Variants in SNX29 observed in about 807,000 individuals in gnomAD.
SNX29 encodes sorting nexin-29.
SNX29 carries 78 observed loss-of-function variants against 102.1 expected under a neutral mutation model. The observed-to-expected ratio is 0.76, with a 90% CI of 0.64 to 0.92. The LOEUF is 0.92. Among genes scored for constraint, SNX29 ranks in the 40% least tolerant of loss-of-function variants. The probability of loss-of-function intolerance (pLI) is 0.00; values close to 1 mark genes in which losing one functional copy is unlikely to be tolerated. For missense variants in SNX29, 1,280 were observed against 1,061.7 expected (o/e 1.21, Z -2.86); for synonymous variants, 580 against 414.5 (o/e 1.40, Z -4.85).
At chr16:12,535,981 G>A (rs1330301822) in intron 20 of SNX29, among the ~76,000 whole-genome samples, 1 of 152,172 alleles carries the variant, frequency 6.6e-6, no homozygotes, top group Non-Finnish European at 1.5e-5. Context: ...GCTGAGAAAA[G>A]GGGTCTTTGA....
chr16:12,504,328 T>TTATC (rs1212294371), intron 19 of SNX29, among the ~76,000 whole-genome samples: 2 of 152,160 alleles, frequency 1.3e-5, no homozygotes, highest in African/African-American at 4.8e-5. Context: ...AATTGTGCAG[T>TTATC]TATCACTAGG....
intron 18 of SNX29, among the ~76,000 whole-genome samples, chr16:12,419,418 C>A (rs1296443231): frequency 6.6e-6 from 1 of 152,152 alleles, no homozygotes; most frequent in Non-Finnish European, 1.5e-5. Context: ...ACACTCATTC[C>A]CCATTGACAC....
chr16:12,442,991 C>T (rs1409982034), intron 18 of SNX29: 2 of 455,446 alleles, frequency 4.4e-6, no homozygotes, highest in Admixed American at 4.7e-5. Flanking sequence ...TGATTTTTTT[C>T]CAGCTATTTA....
chr16:12,143,650 A>T (rs2054947312), intron 13 of SNX29, among the ~76,000 whole-genome samples: 1 of 152,196 alleles, frequency 6.6e-6, no homozygotes, highest in Non-Finnish European at 1.5e-5. Flanking sequence ...CTGCGTAAGT[A>T]CTGAGTAACA....
intron 11 of SNX29, among the ~76,000 whole-genome samples, chr16:12,115,202 C>A (rs2053647015): frequency 6.6e-6 from 1 of 152,112 alleles, no homozygotes; most frequent in Admixed American, 6.5e-5. Context: ...GCCCCCCTCG[C>A]TGCTTTCACT....
intron 15 of SNX29, among the ~76,000 whole-genome samples, chr16:12,288,928 CCTCTGTGGCCTT>C (rs1331274354): frequency 2.6e-5 from 4 of 152,136 alleles, no homozygotes; most frequent in Admixed American, 6.5e-5. Flanking sequence ...TTCCCATCGC[CCTCTGTGGCCTT>C]CTCTGTATCT....
At chr16:12,350,419 T>A (rs890632746) in intron 15 of SNX29, among the ~76,000 whole-genome samples, 1 of 152,200 alleles carries the variant, frequency 6.6e-6, no homozygotes, top group African/African-American at 2.4e-5. Context: ...CTATTGCAGA[T>A]ACTAAAACAT....
At chr16:12,339,882 G>A (rs959597681) in intron 15 of SNX29, among the ~76,000 whole-genome samples, 1 of 152,206 alleles carries the variant, frequency 6.6e-6, no homozygotes, top group African/African-American at 2.4e-5. Flanking sequence ...CAGGGCACGT[G>A]GCCAACAGTC....
At chr16:12,550,373 A>G (rs1174740018) in intron 20 of SNX29, among the ~76,000 whole-genome samples, 3 of 152,098 alleles carry the variant, frequency 2.0e-5, no homozygotes, top group East Asian at 1.9e-4. Flanking sequence ...CATCTCTACT[A>G]AAAATCCAAA....
At chr16:12,049,415 C>T (rs1171245264) in intron 7 of SNX29, among the ~76,000 whole-genome samples, 10 of 151,948 alleles carry the variant, frequency 6.6e-5, no homozygotes, top group African/African-American at 1.9e-4. Flanking sequence ...TCACTGCAAC[C>T]TCCACTTCCC....
At chr16:12,227,832 G>A (rs1450547747) in intron 14 of SNX29, among the ~76,000 whole-genome samples, 1 of 149,342 alleles carries the variant, frequency 6.7e-6, no homozygotes, top group Non-Finnish European at 1.5e-5. Flanking sequence ...CCCAGGTGGT[G>A]GAGGTTGCAG....
intron 20 of SNX29, among the ~76,000 whole-genome samples, chr16:12,558,871 C>T (rs1377831250): frequency 1.3e-5 from 2 of 152,192 alleles, no homozygotes; most frequent in Non-Finnish European, 2.9e-5. Flanking sequence ...AGCCCATTTG[C>T]AGAAAATGTG....
Position 12,015,946 on chromosome 16 carries a change from C to T in SNX29, c.123-11374C>T, listed in dbSNP as rs563916588. On this transcript the variant is annotated intron_variant, in intron 3 of 20. Coordinates refer to ENST00000566228, the MANE Select transcript of SNX29 (RefSeq NM_032167.5). Reference sequence around the variant, plus strand: ...GTGGTGCAATCTTGGCTCACTGCAACCTCCACTTCCCAGGTTCAAGCAATT... The same window carrying T: ...GTGGTGCAATCTTGGCTCACTGCAATCTCCACTTCCCAGGTTCAAGCAATT... 2.7e-5 allele frequency among the ~76,000 whole-genome samples: 4 copies of T among 150,374 alleles called. No individual in the cohort carries two copies. The South Asian group carries it at 6.4e-4, about 24-fold the overall frequency.
chr16:12,143,281 G>A (rs912459925), intron 13 of SNX29, among the ~76,000 whole-genome samples: 2 of 152,166 alleles, frequency 1.3e-5, no homozygotes, highest in South Asian at 2.1e-4. Flanking sequence ...ACAGGCATGA[G>A]CCACTGCGCC....
At chr16:12,546,587 C>G (rs980807586) in intron 20 of SNX29, 1 of 152,114 alleles carries the variant, frequency 6.6e-6, no homozygotes, top group African/African-American at 2.4e-5. Flanking sequence ...GTGTCCCCAC[C>G]CAAGGATAAT....
At chr16:12,425,530 A>G (rs1434510342) in intron 18 of SNX29, among the ~76,000 whole-genome samples, 2 of 60,560 alleles carry the variant, frequency 3.3e-5, no homozygotes, top group Admixed American at 2.7e-4. Flanking sequence ...GACCAGAGTT[A>G]AAAAAAAAAA....
intron 19 of SNX29, among the ~76,000 whole-genome samples, chr16:12,508,410 G>A (rs558548735): frequency 1.4e-4 from 22 of 152,354 alleles, no homozygotes; most frequent in African/African-American, 4.8e-4. Context: ...CTTGCAGACT[G>A]TTTTTGATGG....
At chr16:12,555,764 C>CA (rs371192956) in intron 20 of SNX29, among the ~76,000 whole-genome samples, 2,329 of 152,242 alleles carry the variant, frequency 0.015, 55 homozygotes, top group African/African-American at 0.052. Context: ...AACTAGCCTT[C>CA]AGGCTGCTCA....
At chr16:12,243,025 G>A (rs2078159084) in intron 14 of SNX29, among the ~76,000 whole-genome samples, 1 of 152,198 alleles carries the variant, frequency 6.6e-6, no homozygotes, top group Admixed American at 6.5e-5. Context: ...TGGCTGTGGA[G>A]GCTCCTGGGG....
Sources: gnomAD v4.1 joint callset for allele counts (sites outside exome capture counted in the v4.1 genomes callset) on GRCh38, gnomAD v4.1.1 for gene constraint, MANE v1.5 for transcripts, NCBI Gene and HGNC (gene_info 2026-07-23, HGNC 2026-07-21) for gene names.